WFDC10B: variants seen among roughly 807,000 people sequenced by gnomAD.
The protein encoded by WFDC10B is protein WFDC10B.
Under a neutral mutation model 2.7 loss-of-function variants are expected in WFDC10B, and 1 was observed. That is an observed-to-expected ratio of 0.38 (90% CI 0.13 to 1.79). The LOEUF (loss-of-function observed/expected upper bound fraction) is 1.79, where lower values mean the gene tolerates loss of function less well. Ranked by LOEUF, WFDC10B falls within the 40% of genes most tolerant of loss-of-function variation. WFDC10B has a pLI of 0.33. For missense variants in WFDC10B, 71 were observed against 87.8 expected (o/e 0.81, Z 0.76); for synonymous variants, 26 against 32.2 (o/e 0.81, Z 0.65).
At chr20:45,687,100 C>T (rs895992506) in intron 2 of WFDC10B, among the ~76,000 whole-genome samples, 1 of 152,124 alleles carries the variant, frequency 6.6e-6, no homozygotes, top group African/African-American at 2.4e-5. Context: ...CACCTATCAA[C>T]CCATCACCTA....
chr20:45,695,989 C>T (rs1356277086), intron 2 of WFDC10B, among the ~76,000 whole-genome samples: 2 of 151,138 alleles, frequency 1.3e-5, no homozygotes, highest in East Asian at 3.9e-4. Context: ...TAAATACTTA[C>T]ATTAAAAAAG....
intron 2 of WFDC10B, among the ~76,000 whole-genome samples, chr20:45,696,634 C>T (rs929922218): frequency 6.6e-6 from 1 of 152,066 alleles, no homozygotes; most frequent in South Asian, 2.1e-4. Flanking sequence ...TTTACACCAA[C>T]AAATTAGATA....
intron 2 of WFDC10B, among the ~76,000 whole-genome samples, chr20:45,689,176 C>T (rs1337446193): frequency 6.7e-6 from 1 of 150,092 alleles, no homozygotes; most frequent in Non-Finnish European, 1.5e-5. Flanking sequence ...TTTCTGAGGG[C>T]TCTGTTCTGT....
intron 3 of WFDC10B, 51 bp from the exon 4 acceptor site, chr20:45,685,011 C>T: frequency 6.2e-7 from 1 of 1,607,312 alleles, no homozygotes; most frequent in Non-Finnish European, 8.5e-7. Context: ...TATAGAGCAG[C>T]CTTCTCAAGC....
At chr20:45,694,151 C>T (rs1288423194) in intron 2 of WFDC10B, among the ~76,000 whole-genome samples, 1 of 152,156 alleles carries the variant, frequency 6.6e-6, no homozygotes, top group Non-Finnish European at 1.5e-5. Context: ...TGCCATTTGT[C>T]AATTTTTGCT....
At chr20:45,692,711 T>A (rs1487985850) in intron 2 of WFDC10B, among the ~76,000 whole-genome samples, 1 of 152,180 alleles carries the variant, frequency 6.6e-6, no homozygotes, top group African/African-American at 2.4e-5. Context: ...TCTGTATTGG[T>A]TATTCTAGTT....
intron 1 of WFDC10B, 73 bp downstream of exon 1, chr20:45,704,845 C>G: frequency 2.7e-6 from 4 of 1,505,014 alleles, no homozygotes; most frequent in Non-Finnish European, 3.7e-6. Flanking sequence ...CCTCTCTGAA[C>G]ACACCCACAA....
At chr20:45,699,892 T>A (rs1984097322) in intron 2 of WFDC10B, among the ~76,000 whole-genome samples, 1 of 152,230 alleles carries the variant, frequency 6.6e-6, no homozygotes, top group Non-Finnish European at 1.5e-5. Flanking sequence ...TTGACCAGGC[T>A]GGTCTCGAAC....
At chr20:45,697,059 A>C (rs1329488189) in intron 2 of WFDC10B, among the ~76,000 whole-genome samples, 1 of 152,368 alleles carries the variant, frequency 6.6e-6, no homozygotes, top group East Asian at 1.9e-4. Context: ...AAGATCAGAA[A>C]TAAGACAAGG....
At position 45,703,221 on chromosome 20, in the gene WFDC10B, T is replaced by G. The variant is rs78958206; in HGVS notation, c.-65+1276A>C. Among the ~76,000 whole-genome samples the G allele has an allele frequency of 5.6e-3, 859 of 152,292 alleles. 8 individuals are homozygous for G. The highest frequency in any genetic ancestry group is 0.02 in the African/African-American group (825 of 41,564). On this transcript the variant is annotated intron_variant, in intron 2 of 3. Transcript: ENST00000330523. Reference sequence around the variant, plus strand: ...TGGTGTCTATCTCTAAACTGCTCTGTTGAGCCCCAAGCTCTTCAAAGTGTG... The same window carrying G: ...TGGTGTCTATCTCTAAACTGCTCTGGTGAGCCCCAAGCTCTTCAAAGTGTG...
At chr20:45,698,411 A>C (rs1984042366) in intron 2 of WFDC10B, among the ~76,000 whole-genome samples, 1 of 152,190 alleles carries the variant, frequency 6.6e-6, no homozygotes, top group Non-Finnish European at 1.5e-5. Flanking sequence ...AAGCACAGTA[A>C]CAAAAGAAAA....
In WFDC10B at chr20:45,704,964, T is replaced by C. The variant is rs1350009998; in HGVS notation, c.-176A>G. 6.2e-7 allele frequency: 1 copy of C among 1,614,186 alleles called. No homozygotes were observed. The highest frequency in any genetic ancestry group is 1.3e-5 in the African/African-American group (1 of 75,044). ...CAAAGCAAAATTTGTCCTACACTTT[T>C]GCTTGCCCTCCTTTCACAAGACACC... On this transcript the variant is annotated 5_prime_UTR_variant, in exon 1 of 4. Coordinates refer to ENST00000330523, the MANE Select transcript of WFDC10B (RefSeq NM_172006.2).
At chr20:45,691,822 A>C (rs1167409380) in intron 2 of WFDC10B, among the ~76,000 whole-genome samples, 1 of 152,186 alleles carries the variant, frequency 6.6e-6, no homozygotes, top group Non-Finnish European at 1.5e-5. Context: ...TAATTGGAGC[A>C]TTTAGTCCAT....
chr20:45,687,828 C>T (rs1206028753), intron 2 of WFDC10B, among the ~76,000 whole-genome samples: 2 of 150,766 alleles, frequency 1.3e-5, no homozygotes, highest in South Asian at 2.1e-4. Context: ...ATGTCCTTTG[C>T]CCACTTTTTA....
intron 2 of WFDC10B, among the ~76,000 whole-genome samples, chr20:45,687,860 T>TTTATTATTA (rs149834246): frequency 0.05 from 7,215 of 145,266 alleles, 221 homozygotes; most frequent in East Asian, 0.15. Flanking sequence ...TGTCTTTTCT[T>TTTATTATTA]TTATTATTAT....
intron 2 of WFDC10B, among the ~76,000 whole-genome samples, chr20:45,700,360 T>C (rs969450091): frequency 1.3e-5 from 2 of 152,082 alleles, no homozygotes; most frequent in African/African-American, 2.4e-5. Context: ...TCCTATGAAG[T>C]CAGCATAAAC....
At position 45,684,967 on chromosome 20, in the gene WFDC10B, T is replaced by G; in HGVS notation, c.92-7A>C. ...TTCTCACAGACCTTGATTCCTGAAA[T>G]GATGCAGGAGCAGGGTCAATGAAAC... On this transcript the variant is annotated splice_region_variant and splice_polypyrimidine_tract_variant and intron_variant, in intron 3 of 3. Coordinates refer to ENST00000330523, the MANE Select transcript of WFDC10B (RefSeq NM_172006.2). 1 of 1,613,616 alleles carries G rather than the reference T, an allele frequency of 6.2e-7. No individual in the cohort carries two copies. Among genetic ancestry groups the G allele is most frequent in the Non-Finnish European group, 8.5e-7 (1 of 1,179,746 alleles).
intron 2 of WFDC10B, among the ~76,000 whole-genome samples, chr20:45,687,882 T>TTATTAC (rs1047394452): frequency 6.7e-6 from 1 of 149,112 alleles, no homozygotes; most frequent in African/African-American, 2.5e-5. Flanking sequence ...ATTATTATTA[T>TTATTAC]TATTATTATA....
At chr20:45,689,706 T>C (rs1983744323) in intron 2 of WFDC10B, among the ~76,000 whole-genome samples, 1 of 152,220 alleles carries the variant, frequency 6.6e-6, no homozygotes, top group Non-Finnish European at 1.5e-5. Context: ...CCTGAGACTT[T>C]GCTGAAGTTG....
Sources: gnomAD v4.1 joint callset for allele counts (sites outside exome capture counted in the v4.1 genomes callset) on GRCh38, gnomAD v4.1.1 for gene constraint, MANE v1.5 for transcripts, NCBI Gene and HGNC (gene_info 2026-07-23, HGNC 2026-07-21) for gene names.